Variants in ASH1L observed in about 807,000 individuals in gnomAD.
ASH1L encodes ASH1 like histone lysine methyltransferase, also known as histone-lysine N-methyltransferase ASH1L.
Under a neutral mutation model 269.0 loss-of-function variants are expected in ASH1L, and 23 were observed. The ratio of observed to expected loss-of-function variants is 0.09; its 90% CI spans 0.06 to 0.12. The LOEUF is 0.12. Among genes scored for constraint, ASH1L ranks in the 10% least tolerant of loss-of-function variants. The pLI is 1.00. For synonymous variants in ASH1L, 1,187 were observed against 1,253.5 expected, an observed-to-expected ratio of 0.95 and a Z score of 1.12; for missense variants, 2,912 against 3,567.8, an observed-to-expected ratio of 0.82 and a Z score of 4.68.
intron 10 of ASH1L, among the ~76,000 whole-genome samples, chr1:155,371,694 C>CTT (rs1269263101): frequency 2.5e-4 from 34 of 137,422 alleles, no homozygotes; most frequent in African/African-American, 6.7e-4. Flanking sequence ...ACCTAATTTA[C>CTT]TTTTTTTTTT....
intron 1 of ASH1L, among the ~76,000 whole-genome samples, chr1:155,550,021 T>C (rs1308120653): frequency 7.4e-6 from 1 of 134,856 alleles, no homozygotes; most frequent in Non-Finnish European, 1.6e-5. Context: ...ACTATCACGA[T>C]AGCCTCTTTT....
At chr1:155,415,716 A>G in intron 6 of ASH1L, 28 bp downstream of exon 6, 1 of 1,591,888 alleles carries the variant, frequency 6.3e-7, no homozygotes, top group South Asian at 1.1e-5. Flanking sequence ...AGAAAAAGGG[A>G]TGTTAGCTAA....
At position 155,478,770 on chromosome 1, in the gene ASH1L, T is replaced by C; in HGVS notation, c.4100A>G (p.His1367Arg). The change falls in exon 3 of 28, where the codon CAC becomes CGC. Residue 1367 changes from histidine to arginine, a missense_variant. His to Arg is a conservative substitution (Grantham distance 29). Around this residue, in one of 13 missense-constraint regions of ASH1L, gnomAD observed 789 missense variants for 897.6 expected, o/e 0.88. Coordinates refer to ENST00000392403, the MANE Select transcript of ASH1L (RefSeq NM_018489.3). The surrounding 1 kb of genome is among the most constrained non-coding windows in gnomAD (Gnocchi z 4.6). ...REAMAEMPFM[H>R]SLSFPLSSTG... is the part of the protein sequence containing the mutation. ...ACTAGAAAGAGGAAAACTAAGGCTGTGCATAAAAGGCATTTCAGCCATTGC... is the reference window on the plus strand; with the variant it reads ...ACTAGAAAGAGGAAAACTAAGGCTGCGCATAAAAGGCATTTCAGCCATTGC... 6.2e-7 allele frequency: 1 copy of C among 1,614,126 alleles called. No homozygotes were observed. The highest frequency in any genetic ancestry group is 8.5e-7 in the Non-Finnish European group (1 of 1,180,008).
At chr1:155,367,999 C>T (rs1352881494) in intron 12 of ASH1L, among the ~76,000 whole-genome samples, 1 of 151,918 alleles carries the variant, frequency 6.6e-6, no homozygotes, top group Non-Finnish European at 1.5e-5. Flanking sequence ...ATTATTTCTT[C>T]TTCTTCGTCT....
chr1:155,482,668 C>T (rs1284879763), intron 2 of ASH1L, among the ~76,000 whole-genome samples: 2 of 152,110 alleles, frequency 1.3e-5, no homozygotes, highest in Non-Finnish European at 2.9e-5. Context: ...ACTTTCAACA[C>T]GATAAAACTA....
Position 155,490,654 on chromosome 1 carries a change from A to ACACACT in ASH1L, c.421-8206_421-8205insAGTGTG, listed in dbSNP as rs1345649483. Among the ~76,000 whole-genome samples, 664 of 148,342 alleles carry ACACACT rather than the reference A, an allele frequency of 4.5e-3. 3 individuals are homozygous for ACACACT. Among genetic ancestry groups the ACACACT allele is most frequent in the African/African-American group, 0.016 (638 of 40,216 alleles). ...CACACACACACACACATACACACAC[A>ACACACT]CTCTCTCTCTCTCTTTTTCTGGCCA... is the stretch of plus-strand genomic sequence containing the variant. On this transcript the variant is annotated intron_variant, in intron 2 of 27. Transcript: ENST00000392403.
chr1:155,395,611 C>A, intron 6 of ASH1L, 58 bp from the exon 7 acceptor site: 2 of 1,234,614 alleles, frequency 1.6e-6, no homozygotes, highest in South Asian at 1.3e-5. Flanking sequence ...CTCCTGTGGT[C>A]AAATACAGAT....
In ASH1L at chr1:155,480,875, A is replaced by G. The variant is rs921875925; in HGVS notation, c.1995T>C (p.Ile665=). Residue 665 remains isoleucine (I), a synonymous_variant, in exon 3 of 28, where the codon ATT becomes ATC. Transcript: ENST00000392403. ...TAGTGAAGTTAACAACTGAAGGAGTAATAGTATGAATGCTGGATTCAGAAG... is the reference window on the plus strand; with the variant it reads ...TAGTGAAGTTAACAACTGAAGGAGTGATAGTATGAATGCTGGATTCAGAAG... The part of the protein sequence containing the change: ...SLTSESSIHT[I]TPSVVNFTSL... 1 of 1,613,782 alleles carries G rather than the reference A, an allele frequency of 6.2e-7. No homozygotes were observed. Among genetic ancestry groups the G allele is most frequent in the Non-Finnish European group, 8.5e-7 (1 of 1,179,934 alleles).
At chr1:155,528,070 C>A (rs1413039655) in intron 1 of ASH1L, among the ~76,000 whole-genome samples, 1 of 152,160 alleles carries the variant, frequency 6.6e-6, no homozygotes. Context: ...CAGATAGAGA[C>A]TAGCTGAGAC....
intron 5 of ASH1L, among the ~76,000 whole-genome samples, chr1:155,438,002 C>G (rs1007525671): frequency 1.3e-5 from 2 of 152,114 alleles, no homozygotes; most frequent in African/African-American, 4.8e-5. Flanking sequence ...GAATGCGCTG[C>G]CACATCTAGC....
intron 4 of ASH1L, among the ~76,000 whole-genome samples, chr1:155,440,785 T>C (rs1443328413): frequency 2.0e-5 from 3 of 152,220 alleles, no homozygotes; most frequent in Admixed American, 2.0e-4. Context: ...TTTCTTCTAA[T>C]TGTCTACTTT....
intron 5 of ASH1L, among the ~76,000 whole-genome samples, chr1:155,432,650 A>T (rs1478711535): frequency 6.6e-6 from 1 of 152,224 alleles, no homozygotes; most frequent in Non-Finnish European, 1.5e-5. Flanking sequence ...AAATCTCAGA[A>T]TACAATCTTG....
chr1:155,514,349 T>G (rs1668364392), intron 2 of ASH1L, among the ~76,000 whole-genome samples: 1 of 152,226 alleles, frequency 6.6e-6, no homozygotes, highest in Non-Finnish European at 1.5e-5. Context: ...TACACACATT[T>G]ATTTTTTAAA....
At chr1:155,528,648 C>A (rs1669436901) in intron 1 of ASH1L, among the ~76,000 whole-genome samples, 2 of 152,056 alleles carry the variant, frequency 1.3e-5, no homozygotes, top group Admixed American at 1.3e-4. Flanking sequence ...TGAAGTTCCT[C>A]CCCAACATTA....
At position 155,347,885 on chromosome 1, in the gene ASH1L, G is replaced by C. The variant is rs1305118783; in HGVS notation, c.7574C>G (p.Ser2525Cys). 1 of 1,614,168 alleles carries C rather than the reference G, an allele frequency of 6.2e-7. No individual in the cohort carries two copies. The highest frequency in any genetic ancestry group is 8.5e-7 in the Non-Finnish European group (1 of 1,180,042). The change falls in exon 20 of 28, where the codon TCC becomes TGC. Residue 2525 changes from serine to cysteine, a missense_variant. Ser to Cys is a moderately radical substitution (Grantham distance 112). This residue lies in a region of ASH1L where 309 missense variants were observed against 435.1 expected (regional missense o/e 0.71). Transcript: ENST00000392403. Reference protein sequence around the residue: ...RNAEKYYGRKSPVGRDVCRLR... With the variant: ...RNAEKYYGRKCPVGRDVCRLR... ...ACGACAAACATCTCTCCCAACTGGG[G>C]ATTTACGCCCATAGTACTTCTGAAG...
At chr1:155,364,922 TAAA>T (rs60237031) in intron 12 of ASH1L, among the ~76,000 whole-genome samples, 4 of 107,136 alleles carry the variant, frequency 3.7e-5, no homozygotes, top group African/African-American at 7.0e-5. Context: ...AGCTCTGTCT[TAAA>T]AAAAAAAAAA....
At chr1:155,382,561 C>A (rs1657073815) in intron 7 of ASH1L, among the ~76,000 whole-genome samples, 1 of 152,082 alleles carries the variant, frequency 6.6e-6, no homozygotes, top group Admixed American at 6.6e-5. Flanking sequence ...TTAGGCAGAT[C>A]CTTCAGGAGA....
intron 1 of ASH1L, among the ~76,000 whole-genome samples, chr1:155,530,294 A>G (rs1669576986): frequency 6.6e-6 from 1 of 152,220 alleles, no homozygotes. Context: ...GAACTCTACC[A>G]GGAAATAGAC....
rs142976737 is a variant in ASH1L, at chr1:155,373,318, C to T, written c.6333-2335G>A. On this transcript the variant is annotated intron_variant, in intron 10 of 27. Transcript: ENST00000392403. ...TACTTTTTTTTTGGAGACAGGGTCT[C>T]GCTCTGTCACCCAGGTTGAAGTACA... 7.7e-3 allele frequency among the ~76,000 whole-genome samples: 1,173 copies of T among 151,868 alleles called. 15 individuals carry two copies. The highest frequency in any genetic ancestry group is 0.027 in the African/African-American group (1,137 of 41,444).
Sources: allele counts gnomAD v4.1 joint callset (sites outside exome capture counted in the v4.1 genomes callset), GRCh38; gene constraint gnomAD v4.1.1; regional missense constraint gnomAD v4.1.1; non-coding constraint Gnocchi (gnomAD v3.1); transcripts MANE v1.5; gene names NCBI Gene and HGNC (gene_info 2026-07-23, HGNC 2026-07-21).